The following FER variants were observed in gnomAD, a reference collection of about 807,000 sequenced individuals.
FER encodes the protein FER tyrosine kinase, also known as tyrosine-protein kinase Fer.
In FER, 63 loss-of-function variants were observed where a neutral mutation model predicts 111.0. The observed-to-expected ratio is 0.57, with a 90% CI of 0.46 to 0.70. The LOEUF is 0.70. Ranked by LOEUF, FER falls within the 30% of genes least tolerant of loss-of-function variation. FER has a pLI of 0.00. For synonymous variants in FER, 327 were observed against 313.9 expected, an observed-to-expected ratio of 1.04 and a Z score of -0.44; for missense variants, 914 against 954.0, an observed-to-expected ratio of 0.96 and a Z score of 0.55.
intron 10 of FER, among the ~76,000 whole-genome samples, chr5:108,937,460 A>G (rs544177358): frequency 3.9e-5 from 6 of 152,138 alleles, no homozygotes; most frequent in African/African-American, 1.4e-4. Context: ...TAAATTTGTG[A>G]GTAGACTTGG....
chr5:108,829,451 A>G (rs907092112), intron 3 of FER, among the ~76,000 whole-genome samples: 1 of 152,224 alleles, frequency 6.6e-6, no homozygotes, highest in African/African-American at 2.4e-5. Flanking sequence ...CACCCTGAAC[A>G]ACATAGTGAG....
chr5:109,177,236 C>T (rs1045769534), intron 17 of FER, among the ~76,000 whole-genome samples: 1 of 151,914 alleles, frequency 6.6e-6, no homozygotes, highest in Non-Finnish European at 1.5e-5. Context: ...CCCTTTTTAT[C>T]AGAATATAGT....
chr5:109,043,363 C>A (rs1053195592), intron 14 of FER, among the ~76,000 whole-genome samples: 1 of 151,858 alleles, frequency 6.6e-6, no homozygotes, highest in African/African-American at 2.4e-5. Context: ...CTCAAATTTT[C>A]CTTTTTTAAA....
intron 17 of FER, among the ~76,000 whole-genome samples, chr5:109,143,192 T>G (rs1020777274): frequency 6.6e-6 from 1 of 152,102 alleles, no homozygotes; most frequent in Non-Finnish European, 1.5e-5. Context: ...TGCAGCAATC[T>G]TGGGAGCATC....
At chr5:108,861,822 G>A (rs569912474) in intron 5 of FER, among the ~76,000 whole-genome samples, 1 of 152,168 alleles carries the variant, frequency 6.6e-6, no homozygotes, top group East Asian at 1.9e-4. Context: ...TTTTTATATG[G>A]TATTAACATT....
At chr5:109,131,319 C>T (rs1752335928) in intron 17 of FER, among the ~76,000 whole-genome samples, 1 of 152,058 alleles carries the variant, frequency 6.6e-6, no homozygotes, top group South Asian at 2.1e-4. Context: ...ATTTATCAGC[C>T]TTCCTTAATA....
In FER at chr5:108,845,067, T is replaced by TATACAC. The variant is rs1486282738; in HGVS notation, c.481+9261_481+9262insTACACA. ...ATATATATATATATATATATATATA[T>TATACAC]ACACACACACACACACACACACACA... is the stretch of plus-strand genomic sequence containing the variant. On this transcript the variant is annotated intron_variant, in intron 5 of 19. Coordinates refer to ENST00000281092, the MANE Select transcript of FER (RefSeq NM_005246.4). 2.5e-3 allele frequency among the ~76,000 whole-genome samples: 137 copies of TATACAC among 53,892 alleles called. 1 individual carries two copies. The highest frequency in any genetic ancestry group is 0.01 in the African/African-American group (133 of 13,252). 35.4% of individuals were successfully genotyped at this position (53,892 alleles called of 152,430 possible). A position where few individuals can be genotyped will look rare whatever the true frequency, so the allele number is the denominator to read the frequency against.
chr5:109,125,933 G>A (rs777273807), intron 17 of FER, among the ~76,000 whole-genome samples: 3 of 152,124 alleles, frequency 2.0e-5, no homozygotes, highest in Non-Finnish European at 2.9e-5. Context: ...AGAATGAAAC[G>A]GTGAAGGCTA....
At chr5:109,166,042 A>G (rs572867795) in intron 17 of FER, among the ~76,000 whole-genome samples, 105 of 152,142 alleles carry the variant, frequency 6.9e-4, no homozygotes, top group Non-Finnish European at 1.3e-3. Context: ...TGTTTCAGCA[A>G]TGCTTCTCAG....
chr5:109,112,847 C>A (rs974206435), intron 17 of FER, among the ~76,000 whole-genome samples: 25 of 152,144 alleles, frequency 1.6e-4, no homozygotes, highest in African/African-American at 5.8e-4. Context: ...CATCTTATAA[C>A]TTCCTATTCT....
At position 109,028,300 on chromosome 5, in the gene FER, A is replaced by G. The variant is rs72790556; in HGVS notation, c.1657-9122A>G. Among the ~76,000 whole-genome samples, 1,514 of 152,376 alleles carry G rather than the reference A, an allele frequency of 9.9e-3. 17 individuals carry two copies. Among genetic ancestry groups the G allele is most frequent in the Middle Eastern group, 0.037 (11 of 294 alleles). ...GAATGCAGTAGATGAAGAGCAATCT[A>G]TAATTCATTTGCATAGAAATAATTT... On this transcript the variant is annotated intron_variant, in intron 13 of 19. Transcript: ENST00000281092.
chr5:109,156,100 C>CTA (rs1472753315), intron 17 of FER, among the ~76,000 whole-genome samples: 3 of 151,900 alleles, frequency 2.0e-5, no homozygotes, highest in Non-Finnish European at 1.5e-5. Context: ...TCTGTATTTA[C>CTA]TAAGGCTAAG....
intron 2 of FER, among the ~76,000 whole-genome samples, chr5:108,788,135 C>A (rs535677620): frequency 6.6e-6 from 1 of 152,160 alleles, no homozygotes; most frequent in African/African-American, 2.4e-5. Flanking sequence ...CTCTGTGGTT[C>A]CTGGTATCTC....
At chr5:109,162,951 T>C (rs1182204468) in intron 17 of FER, among the ~76,000 whole-genome samples, 1 of 152,094 alleles carries the variant, frequency 6.6e-6, no homozygotes, top group African/African-American at 2.4e-5. Context: ...ATGTAATCAT[T>C]ACCACACTTC....
At chr5:108,992,083 C>G (rs141090168) in intron 13 of FER, among the ~76,000 whole-genome samples, 137 of 151,932 alleles carry the variant, frequency 9.0e-4, no homozygotes, top group African/African-American at 2.4e-3. Flanking sequence ...TGACTCTTAA[C>G]GAGCATGCTG....
chr5:108,806,498 T>C (rs1757223708), intron 3 of FER, among the ~76,000 whole-genome samples: 1 of 152,160 alleles, frequency 6.6e-6, no homozygotes, highest in South Asian at 2.1e-4. Context: ...CTGGAAAAGC[T>C]GCAGACACTC....
chr5:108,849,233 A>G (rs1037892631), intron 5 of FER, among the ~76,000 whole-genome samples: 1 of 151,906 alleles, frequency 6.6e-6, no homozygotes, highest in Non-Finnish European at 1.5e-5. Context: ...CTTCACATAT[A>G]TTTTCTGTCT....
chr5:108,752,636 C>T (rs1231718877), intron 1 of FER, among the ~76,000 whole-genome samples: 1 of 151,910 alleles, frequency 6.6e-6, no homozygotes, highest in Non-Finnish European at 1.5e-5. Flanking sequence ...GTATGGCTGA[C>T]AAAATATGAG....
chr5:108,790,631 G>A (rs1295496476), intron 2 of FER, among the ~76,000 whole-genome samples: 1 of 152,138 alleles, frequency 6.6e-6, no homozygotes, highest in Non-Finnish European at 1.5e-5. Context: ...AAGTTATGCT[G>A]TAGTAATTTT....
Sources: gnomAD v4.1 joint callset for allele counts (sites outside exome capture counted in the v4.1 genomes callset) on GRCh38, gnomAD v4.1.1 for gene constraint, MANE v1.5 for transcripts, NCBI Gene and HGNC (gene_info 2026-07-23, HGNC 2026-07-21) for gene names.